The following SLC37A1 variants were observed in gnomAD, a reference collection of about 807,000 sequenced individuals.
SLC37A1 encodes solute carrier family 37 member 1.
In SLC37A1, 49 loss-of-function variants were observed where a neutral mutation model predicts 75.3. The observed-to-expected ratio is 0.65, with a 90% CI of 0.52 to 0.83. SLC37A1 has a LOEUF of 0.83. Ranked by LOEUF, SLC37A1 falls within the 40% of genes least tolerant of loss-of-function variation. The pLI is 0.00. For synonymous variants in SLC37A1, 268 were observed against 292.1 expected (o/e 0.92, Z 0.84); for missense variants, 566 against 695.0 (o/e 0.81, Z 2.09).
intron 3 of SLC37A1, among the ~76,000 whole-genome samples, chr21:42,527,586 G>A (rs1056217837): frequency 3.3e-5 from 5 of 152,172 alleles, no homozygotes; most frequent in East Asian, 1.9e-4. Flanking sequence ...GCAACCCTGC[G>A]AGTGCCCCTG....
chr21:42,505,013 T>G (rs2054371535), intron 2 of SLC37A1, among the ~76,000 whole-genome samples: 1 of 152,194 alleles, frequency 6.6e-6, no homozygotes, highest in Non-Finnish European at 1.5e-5. Context: ...CACTGCTTCT[T>G]CCTTAGTCAG....
Position 42,552,956 on chromosome 21 carries a change from G to A in SLC37A1, c.769-1106G>A, listed in dbSNP as rs2055593538. Among the ~76,000 whole-genome samples the A allele has an allele frequency of 6.6e-6, 1 of 152,186 alleles. No homozygotes were observed. Among genetic ancestry groups the A allele is most frequent in the Non-Finnish European group, 1.5e-5 (1 of 68,042 alleles). ...GCCTGGCAGGCTTTGCCCTCCCTCT[G>A]AGCACAAAACAAATGTATTTTTAAA... is the stretch of plus-strand genomic sequence containing the variant. On this transcript the variant is annotated intron_variant, in intron 9 of 19. Coordinates refer to ENST00000352133, the MANE Select transcript of SLC37A1 (RefSeq NM_001320537.2). This position sits in a 1 kb window ranked among gnomAD's most constrained non-coding sequence, Gnocchi z 4.2.
chr21:42,534,876 C>A (rs1276278608), intron 4 of SLC37A1, 46 bp downstream of exon 4: 1 of 1,594,152 alleles, frequency 6.3e-7, no homozygotes, highest in Admixed American at 1.7e-5. Flanking sequence ...GGCTGTCCTT[C>A]CAGCCTTGCT....
At chr21:42,538,206 A>G (rs2055189197) in intron 5 of SLC37A1, among the ~76,000 whole-genome samples, 1 of 152,180 alleles carries the variant, frequency 6.6e-6, no homozygotes, top group Admixed American at 6.5e-5. Context: ...CCTCTCAGGG[A>G]CCTATCTCCT....
At chr21:42,568,225 T>C in intron 16 of SLC37A1, 135 bp from the exon 17 acceptor site, 1 of 696,704 alleles carries the variant, frequency 1.4e-6, no homozygotes, top group Non-Finnish European at 2.5e-6. Context: ...AAGCTTGGGG[T>C]GGAGTTTAAA....
intron 3 of SLC37A1, among the ~76,000 whole-genome samples, chr21:42,526,717 T>C (rs1220678331): frequency 6.6e-6 from 1 of 152,206 alleles, no homozygotes; most frequent in Non-Finnish European, 1.5e-5. Flanking sequence ...TTTCAGGGGA[T>C]GTTAAACATT....
At chr21:42,554,546 G>A (rs960399804) in intron 10 of SLC37A1, among the ~76,000 whole-genome samples, 2 of 152,218 alleles carry the variant, frequency 1.3e-5, no homozygotes, top group Admixed American at 1.3e-4. Flanking sequence ...AGCTGTGAGG[G>A]ACTGGAGGGA....
chr21:42,563,506 G>A (rs1013285670), intron 12 of SLC37A1, among the ~76,000 whole-genome samples: 3 of 142,688 alleles, frequency 2.1e-5, no homozygotes, highest in Non-Finnish European at 3.1e-5. Context: ...GCATCCAGGC[G>A]CCTTCCACAC....
chr21:42,527,302 C>T (rs1198195279), intron 3 of SLC37A1, among the ~76,000 whole-genome samples: 3 of 152,064 alleles, frequency 2.0e-5, no homozygotes, highest in African/African-American at 7.3e-5. Flanking sequence ...TGTTGGGGTC[C>T]ACCTGATGAC....
intron 3 of SLC37A1, among the ~76,000 whole-genome samples, chr21:42,530,614 A>C (rs2054925593): frequency 2.0e-5 from 1 of 49,446 alleles, no homozygotes; most frequent in African/African-American, 1.1e-4. Context: ...ACACACACAC[A>C]CACACACACA....
At chr21:42,554,014 C>A in intron 9 of SLC37A1, 48 bp from the exon 10 acceptor site, 2 of 1,488,430 alleles carry the variant, frequency 1.3e-6, no homozygotes, top group Non-Finnish European at 1.8e-6. Context: ...GGTTTAATTT[C>A]TAGCTGTTGA....
chr21:42,543,729 C>A, intron 8 of SLC37A1, 127 bp downstream of exon 8: 1 of 910,232 alleles, frequency 1.1e-6, no homozygotes, highest in East Asian at 2.8e-5. Context: ...GCTGCCTCAG[C>A]GCTCTTCTTA....
chr21:42,530,656 C>CACCCA (rs1568997149), intron 3 of SLC37A1, among the ~76,000 whole-genome samples: 1 of 23,470 alleles, frequency 4.3e-5, no homozygotes, highest in African/African-American at 1.4e-4. Flanking sequence ...ACACACACAC[C>CACCCA]CCCTCTGTGT....
chr21:42,561,335 CAAACAGGCATTTTACAG>C (rs901727493), intron 11 of SLC37A1: 2 of 153,888 alleles, frequency 1.3e-5, no homozygotes, highest in Admixed American at 1.3e-4. Context: ...AAAACAAACA[CAAACAGGCATTTTACAG>C]AACCCACCAC....
Position 42,548,696 on chromosome 21 carries a change from G to A in SLC37A1, c.768+1556G>A, listed in dbSNP as rs912109922. On this transcript the variant is annotated intron_variant, in intron 9 of 19. Transcript: ENST00000352133. The surrounding 1 kb of genome is among the most constrained non-coding windows in gnomAD (Gnocchi z 5.6). ...TTGCAGAGACTGTATTGATACAGACGCCAGAGCACATCAGCCCTTGCACAA... is the reference window on the plus strand; with the variant it reads ...TTGCAGAGACTGTATTGATACAGACACCAGAGCACATCAGCCCTTGCACAA... 1.3e-5 allele frequency among the ~76,000 whole-genome samples: 2 copies of A among 152,158 alleles called. No individual in the cohort carries two copies. The highest frequency in any genetic ancestry group is 2.9e-5 in the Non-Finnish European group (2 of 68,032).
intron 17 of SLC37A1, among the ~76,000 whole-genome samples, chr21:42,571,275 A>T (rs2056157728): frequency 6.6e-6 from 1 of 152,210 alleles, no homozygotes. Context: ...GTGGAGGCGA[A>T]ACATGACTAA....
chr21:42,566,927 T>G, intron 15 of SLC37A1, 58 bp from the exon 16 acceptor site: 13 of 1,556,602 alleles, frequency 8.4e-6, no homozygotes, highest in Non-Finnish European at 1.1e-5. Context: ...GCTGCTCCTA[T>G]GCATGCGGGG....
At chr21:42,576,651 C>T (rs942175845) in intron 18 of SLC37A1, among the ~76,000 whole-genome samples, 3 of 151,954 alleles carry the variant, frequency 2.0e-5, no homozygotes, top group African/African-American at 7.3e-5. Flanking sequence ...GAAAAAGGAA[C>T]TGACCTCATG....
intron 14 of SLC37A1, 102 bp downstream of exon 14, chr21:42,564,895 C>G (rs1336383240): frequency 8.9e-7 from 1 of 1,118,002 alleles, no homozygotes; most frequent in African/African-American, 1.5e-5. Context: ...CTCCACTTTC[C>G]TGACAAGCCC....
Sources: gnomAD v4.1 joint callset for allele counts (sites outside exome capture counted in the v4.1 genomes callset) on GRCh38, gnomAD v4.1.1 for gene constraint, Gnocchi (gnomAD v3.1) non-coding constraint, MANE v1.5 for transcripts, NCBI Gene and HGNC (gene_info 2026-07-23, HGNC 2026-07-21) for gene names.